FRMD3: variants seen among roughly 807,000 people sequenced by gnomAD.
FRMD3 encodes FERM domain-containing protein 3.
Under a neutral mutation model 70.2 loss-of-function variants are expected in FRMD3, and 33 were observed. The observed-to-expected ratio is 0.47, with a 90% confidence interval of 0.36 to 0.63. FRMD3 has a LOEUF of 0.63. Ranked by LOEUF, FRMD3 falls within the 20% of genes least tolerant of loss-of-function variation. The probability of loss-of-function intolerance (pLI) is 0.00; values close to 1 mark genes in which losing one functional copy is unlikely to be tolerated. For synonymous variants in FRMD3, 279 were observed against 255.9 expected (o/e 1.09, Z -0.86); for missense variants, 632 against 711.4 (o/e 0.89, Z 1.27).
intron 3 of FRMD3, among the ~76,000 whole-genome samples, chr9:83,367,599 C>T (rs934299508): frequency 5.3e-5 from 8 of 152,118 alleles, no homozygotes; most frequent in African/African-American, 1.9e-4. Context: ...AGCATCAGCT[C>T]CTAAAGAGAA....
At chr9:83,397,701 T>C (rs964433258) in intron 1 of FRMD3, among the ~76,000 whole-genome samples, 1 of 152,166 alleles carries the variant, frequency 6.6e-6, no homozygotes, top group African/African-American at 2.4e-5. Context: ...CAAAGGGCTC[T>C]GTTGCTTGGC....
intron 2 of FRMD3, 78 bp from the exon 3 acceptor site, chr9:83,373,033 G>T (rs1178830410): frequency 1.7e-6 from 2 of 1,173,962 alleles, no homozygotes; most frequent in Non-Finnish European, 2.5e-6. Context: ...TAACTAAAAG[G>T]AATTCCAAAG....
chr9:83,277,514 GC>G (rs1173005040), intron 13 of FRMD3, among the ~76,000 whole-genome samples: 1 of 152,094 alleles, frequency 6.6e-6, no homozygotes, highest in Non-Finnish European at 1.5e-5. Context: ...ACAGGCACAT[GC>G]CATTACCCTT....
intron 1 of FRMD3, among the ~76,000 whole-genome samples, chr9:83,500,801 G>A (rs913906648): frequency 3.9e-5 from 6 of 152,094 alleles, no homozygotes; most frequent in Non-Finnish European, 8.8e-5. Flanking sequence ...GTTTGGAGGC[G>A]AGGAAAAGAG....
intron 5 of FRMD3, among the ~76,000 whole-genome samples, chr9:83,337,156 T>C (rs1315878601): frequency 6.6e-6 from 1 of 152,178 alleles, no homozygotes; most frequent in African/African-American, 2.4e-5. Flanking sequence ...TATAATAACC[T>C]GTTGAATACG....
At position 83,426,260 on chromosome 9, in the gene FRMD3, T is replaced by C. The variant is rs1187354111; in HGVS notation, c.148-36552A>G. 4.6e-5 allele frequency among the ~76,000 whole-genome samples: 7 copies of C among 152,168 alleles called. No homozygotes were observed. In the South Asian group the frequency reaches 8.3e-4, roughly 18 times the overall value. The stretch of plus-strand genomic sequence containing the variant: ...AAAAGCAACAAGCCATTGTCCTCAA[T>C]AGGGAAACAGTTACCAACAGCAAAA... On this transcript the variant is annotated intron_variant, in intron 1 of 13. Coordinates refer to ENST00000304195, the MANE Select transcript of FRMD3 (RefSeq NM_174938.6).
chr9:83,547,492 T>A, the FRMD3 span, among the ~76,000 whole-genome samples: 1 of 151,858 alleles, frequency 6.6e-6, no homozygotes, highest in Non-Finnish European at 1.5e-5. Context: ...ATATAACAAT[T>A]CTAAATATAT....
intron 1 of FRMD3, among the ~76,000 whole-genome samples, chr9:83,494,248 C>T (rs775461811): frequency 1.3e-5 from 2 of 152,178 alleles, no homozygotes; most frequent in Admixed American, 6.5e-5. Flanking sequence ...CTGTTCTCCA[C>T]AGTGTGTGGA....
intron 1 of FRMD3, among the ~76,000 whole-genome samples, chr9:83,419,657 G>A (rs1826572519): frequency 6.6e-6 from 1 of 151,388 alleles, no homozygotes; most frequent in South Asian, 2.1e-4. Flanking sequence ...GTGTTCATGT[G>A]TATTGAGTGT....
At chr9:83,509,156 T>A (rs1245615158) in intron 1 of FRMD3, among the ~76,000 whole-genome samples, 1 of 152,182 alleles carries the variant, frequency 6.6e-6, no homozygotes, top group African/African-American at 2.4e-5. Flanking sequence ...CGTAGCTGTA[T>A]CCCTAGCACC....
chr9:83,411,713 C>A (rs535612886), intron 1 of FRMD3, among the ~76,000 whole-genome samples: 7 of 152,298 alleles, frequency 4.6e-5, no homozygotes, highest in Admixed American at 4.6e-4. Flanking sequence ...TATTTCACTA[C>A]TGTTCACTAT....
intron 1 of FRMD3, among the ~76,000 whole-genome samples, chr9:83,458,558 G>A (rs1014524868): frequency 9.2e-5 from 14 of 152,206 alleles, no homozygotes; most frequent in African/African-American, 3.1e-4. Flanking sequence ...CCATAAAGCC[G>A]AAGAGAAAAC....
chr9:83,454,552 T>C (rs1827763282), intron 1 of FRMD3, among the ~76,000 whole-genome samples: 1 of 152,202 alleles, frequency 6.6e-6, no homozygotes. Context: ...TATTCTGGAG[T>C]ACAGGTAGCA....
chr9:83,559,676 G>A, the FRMD3 span, among the ~76,000 whole-genome samples: 54 of 152,108 alleles, frequency 3.6e-4, no homozygotes, highest in African/African-American at 8.0e-4. Context: ...ACAAACTTCC[G>A]CAGGACTTGA....
At chr9:83,517,494 C>CAAAAAAAAAAAAA (rs59178344) in intron 1 of FRMD3, among the ~76,000 whole-genome samples, 1 of 65,524 alleles carries the variant, frequency 1.5e-5, no homozygotes, top group Non-Finnish European at 2.7e-5. Context: ...CCTACCAATC[C>CAAAAAAAAAAAAA]AAAAAAAAAA....
the FRMD3 span, among the ~76,000 whole-genome samples, chr9:83,562,468 C>T: frequency 1.7e-4 from 26 of 152,174 alleles, no homozygotes; most frequent in African/African-American, 5.3e-4. Context: ...GAAAGCTTAA[C>T]AAAAATGGAA....
At chr9:83,419,904 A>G (rs1376554884) in intron 1 of FRMD3, among the ~76,000 whole-genome samples, 2 of 152,336 alleles carry the variant, frequency 1.3e-5, no homozygotes, top group African/African-American at 4.8e-5. Flanking sequence ...CTTGGAGGCA[A>G]TTCTCTTTCA....
chr9:83,378,216 G>A (rs1025932152), intron 2 of FRMD3, among the ~76,000 whole-genome samples: 14 of 151,512 alleles, frequency 9.2e-5, no homozygotes, highest in Non-Finnish European at 1.9e-4. Flanking sequence ...CTTCTCACTT[G>A]GTACCATGGC....
rs148347985 is a variant in FRMD3, at chr9:83,301,090, G to T, written c.927-1904C>A. Among the ~76,000 whole-genome samples, 311 of 152,314 alleles carry T rather than the reference G, an allele frequency of 2.0e-3. 1 individual carries two copies. Among genetic ancestry groups the T allele is most frequent in the Admixed American group, 6.0e-3 (92 of 15,308 alleles). On this transcript the variant is annotated intron_variant, in intron 10 of 13. Transcript: ENST00000304195. ...GGATCCTGTCAGGGCAGGGCCCAGAGAAAATGGTACAGGACCCCTGAGGAC... is the reference window on the plus strand; with the variant it reads ...GGATCCTGTCAGGGCAGGGCCCAGATAAAATGGTACAGGACCCCTGAGGAC...
Sources: gnomAD v4.1 joint callset for allele counts (sites outside exome capture counted in the v4.1 genomes callset) on GRCh38, gnomAD v4.1.1 for gene constraint, MANE v1.5 for transcripts, NCBI Gene and HGNC (gene_info 2026-07-23, HGNC 2026-07-21) for gene names.